The following SLC25A26 variants were observed in gnomAD, a reference collection of about 807,000 sequenced individuals.
SLC25A26 encodes the protein solute carrier family 25 member 26.
Under a neutral mutation model 37.8 loss-of-function variants are expected in SLC25A26, and 36 were observed. The ratio of observed to expected loss-of-function variants is 0.95; its 90% CI spans 0.73 to 1.26. The LOEUF is 1.26. Ranked by LOEUF, SLC25A26 falls within the 50% of genes most tolerant of loss-of-function variation. SLC25A26 has a pLI of 0.00. For synonymous variants in SLC25A26, 129 were observed against 122.5 expected (o/e 1.05, Z -0.35); for missense variants, 390 against 331.1 (o/e 1.18, Z -1.38).
At chr3:66,198,304 G>T (rs1449565102) in intron 1 of SLC25A26, among the ~76,000 whole-genome samples, 2 of 151,794 alleles carry the variant, frequency 1.3e-5, no homozygotes, top group Non-Finnish European at 2.9e-5. Flanking sequence ...TGAAACTCAT[G>T]TCTGTTAACA....
chr3:66,256,715 G>T (rs1008698027), intron 3 of SLC25A26, among the ~76,000 whole-genome samples: 1 of 152,118 alleles, frequency 6.6e-6, no homozygotes, highest in Non-Finnish European at 1.5e-5. Context: ...GGGCAACATA[G>T]CAAGATCCTT....
chr3:66,204,441 A>AAG (rs1491362871), intron 1 of SLC25A26, among the ~76,000 whole-genome samples: 7,059 of 88,044 alleles, frequency 0.08, 566 homozygotes, highest in Non-Finnish European at 0.1. Flanking sequence ...AAAAAAAAAG[A>AAG]AAAAAAGAAA....
At chr3:66,307,044 A>G (rs2075246402) in intron 5 of SLC25A26, among the ~76,000 whole-genome samples, 1 of 152,182 alleles carries the variant, frequency 6.6e-6, no homozygotes, top group African/African-American at 2.4e-5. Context: ...GGTGGGTCAA[A>G]TGCTATTTCT....
chr3:66,214,127 T>C (rs2071325931), intron 1 of SLC25A26, among the ~76,000 whole-genome samples: 1 of 152,096 alleles, frequency 6.6e-6, no homozygotes, highest in East Asian at 1.9e-4. Flanking sequence ...TGGGAGGTGT[T>C]TGGGTCATGG....
At chr3:66,312,843 A>G (rs911099228) in intron 5 of SLC25A26, among the ~76,000 whole-genome samples, 4 of 152,088 alleles carry the variant, frequency 2.6e-5, no homozygotes, top group Non-Finnish European at 4.4e-5. Flanking sequence ...CTGTCTAACC[A>G]GTCCCATTGA....
At chr3:66,272,612 G>A (rs957704460) in intron 5 of SLC25A26, among the ~76,000 whole-genome samples, 14 of 151,920 alleles carry the variant, frequency 9.2e-5, no homozygotes, top group African/African-American at 3.1e-4. Context: ...TTCTCTGAGG[G>A]ACCTCCTGTG....
At chr3:66,285,752 G>A (rs372091643) in intron 5 of SLC25A26, among the ~76,000 whole-genome samples, 1 of 151,900 alleles carries the variant, frequency 6.6e-6, no homozygotes, top group Non-Finnish European at 1.5e-5. Context: ...GAGCCACCAC[G>A]CCTGGCCCAA....
intron 9 of SLC25A26, among the ~76,000 whole-genome samples, chr3:66,377,350 T>G (rs1193833608): frequency 6.6e-6 from 1 of 151,990 alleles, no homozygotes; most frequent in Non-Finnish European, 1.5e-5. Context: ...AGTCAGTGGG[T>G]GGAGCGGCAG....
chr3:66,347,902 A>G (rs751064323), intron 6 of SLC25A26, among the ~76,000 whole-genome samples: 5 of 152,196 alleles, frequency 3.3e-5, no homozygotes, highest in Admixed American at 2.0e-4. Flanking sequence ...GCATGTTCTC[A>G]CTTATAAGTG....
chr3:66,236,409 C>A, intron 1 of SLC25A26, 135 bp from the exon 2 acceptor site: 2 of 543,344 alleles, frequency 3.7e-6, no homozygotes, highest in East Asian at 3.2e-5. Flanking sequence ...TCCTTTGTGC[C>A]GCAGAAGTTG....
chr3:66,235,681 G>A (rs2072243606), intron 1 of SLC25A26, among the ~76,000 whole-genome samples: 2 of 152,228 alleles, frequency 1.3e-5, no homozygotes, highest in East Asian at 1.9e-4. Flanking sequence ...TTGGTCTGAC[G>A]TGAAAAGATA....
rs376216411 is a variant in SLC25A26, at chr3:66,263,454, A to G, written c.453+75A>G. ...GTTCAGTAAATTTATACTACTTAAC[A>G]ATTAGAAATATATTTGGAGAAACTT... On this transcript the variant is annotated intron_variant, in intron 5 of 9. Transcript: ENST00000354883. 3.6e-5 allele frequency: 31 copies of G among 866,126 alleles called. No individual in the cohort carries two copies. The African/African-American group carries it at 5.2e-4, about 15-fold the overall frequency. 53.7% of individuals were successfully genotyped at this position (866,126 alleles called of 1,614,324 possible).
intron 1 of SLC25A26, among the ~76,000 whole-genome samples, chr3:66,172,410 G>GAAAA (rs1199322248): frequency 9.3e-5 from 7 of 75,206 alleles, no homozygotes; most frequent in Admixed American, 1.9e-4. Flanking sequence ...TACCTGTAAA[G>GAAAA]AAAAAAAAAA....
chr3:66,330,439 G>A (rs9844918), intron 5 of SLC25A26, among the ~76,000 whole-genome samples: 1,981 of 152,166 alleles, frequency 0.013, 47 homozygotes, highest in African/African-American at 0.044. Context: ...ATGTGTGTGC[G>A]TGTTAAATGT....
chr3:66,346,715 C>CGTGTGT (rs34944870), intron 6 of SLC25A26, among the ~76,000 whole-genome samples: 4,782 of 138,910 alleles, frequency 0.034, 102 homozygotes, highest in Middle Eastern at 0.054. Context: ...TTGCTGTGTG[C>CGTGTGT]GTGTGTGTGT....
At chr3:66,227,863 C>G (rs1461132636) in intron 1 of SLC25A26, among the ~76,000 whole-genome samples, 5 of 151,962 alleles carry the variant, frequency 3.3e-5, no homozygotes, top group African/African-American at 1.2e-4. Context: ...AAAGGTAATA[C>G]GAATGAAGTA....
chr3:66,280,354 G>A (rs1413779447), intron 5 of SLC25A26, among the ~76,000 whole-genome samples: 4 of 152,004 alleles, frequency 2.6e-5, no homozygotes, highest in Admixed American at 6.6e-5. Flanking sequence ...AATCATTATT[G>A]CCAACTGAGT....
rs1043446423 is a variant in SLC25A26 at position 66,212,872 on chromosome 3, A to G, written c.-353-7870A>G. On this transcript the variant is annotated intron_variant, in intron 1 of 10. Coordinates refer to the SLC25A26 transcript ENST00000676754. ...TACCATATGTATAAATGTACATTCC[A>G]TATTTTGTGTACCCATTCATTTGCC... 7.2e-3 allele frequency among the ~76,000 whole-genome samples: 1,102 copies of G among 152,316 alleles called. 11 individuals are homozygous for G. The highest frequency in any genetic ancestry group is 0.012 in the Admixed American group (177 of 15,302).
At chr3:66,219,869 C>T (rs575072649), upstream of SLC25A26, among the ~76,000 whole-genome samples, 1 of 152,320 alleles carries the variant, frequency 6.6e-6, no homozygotes, top group East Asian at 1.9e-4. Context: ...AAGTGACTAT[C>T]ATTATCGCCA....
Sources: gnomAD v4.1 joint callset for allele counts (sites outside exome capture counted in the v4.1 genomes callset) on GRCh38, gnomAD v4.1.1 for gene constraint, MANE v1.5 for transcripts, NCBI Gene and HGNC (gene_info 2026-07-23, HGNC 2026-07-21) for gene names.